RPS6KC1: variants seen among roughly 807,000 people sequenced by gnomAD.
RPS6KC1 encodes the protein ribosomal protein S6 kinase C1, also known as inactive ribosomal protein S6 kinase delta-1.
Under a neutral mutation model 103.8 loss-of-function variants are expected in RPS6KC1, and 54 were observed. The ratio of observed to expected loss-of-function variants is 0.52; its 90% CI spans 0.42 to 0.65. The LOEUF (loss-of-function observed/expected upper bound fraction) is 0.65, where lower values mean the gene tolerates loss of function less well. Among genes scored for constraint, RPS6KC1 ranks in the 30% least tolerant of loss-of-function variants. The pLI is 0.00. For synonymous variants in RPS6KC1, 439 were observed against 438.7 expected, an observed-to-expected ratio of 1.00 and a Z score of -0.01; for missense variants, 1,151 against 1,253.8, an observed-to-expected ratio of 0.92 and a Z score of 1.24.
the RPS6KC1 span, among the ~76,000 whole-genome samples, chr1:213,606,765 T>A: frequency 6.6e-6 from 1 of 152,222 alleles, no homozygotes; most frequent in African/African-American, 2.4e-5. Context: ...TGAGACCAAC[T>A]GTTTTCCTCA....
intron 6 of RPS6KC1, among the ~76,000 whole-genome samples, chr1:213,167,464 AC>A (rs2091073292): frequency 4.3e-5 from 6 of 140,030 alleles, no homozygotes; most frequent in Non-Finnish European, 8.0e-5. Context: ...ACACACACAC[AC>A]ACACACACAC....
At chr1:213,341,465 A>G in the RPS6KC1 span, among the ~76,000 whole-genome samples, 2 of 152,214 alleles carry the variant, frequency 1.3e-5, no homozygotes, top group African/African-American at 2.4e-5. Flanking sequence ...CTTACCATGT[A>G]GGAATTTGTT....
intron 3 of RPS6KC1, among the ~76,000 whole-genome samples, chr1:213,098,049 A>C (rs573085068): frequency 6.6e-6 from 1 of 152,222 alleles, no homozygotes; most frequent in African/African-American, 2.4e-5. Context: ...AATTTCTTTC[A>C]GTAACTTATT....
At chr1:213,445,841 C>T in the RPS6KC1 span, among the ~76,000 whole-genome samples, 6 of 152,232 alleles carry the variant, frequency 3.9e-5, 1 homozygote, top group East Asian at 9.7e-4. Flanking sequence ...AGGTACCCCT[C>T]GCATTCATGG....
chr1:213,378,360 C>T, the RPS6KC1 span, among the ~76,000 whole-genome samples: 1 of 152,164 alleles, frequency 6.6e-6, no homozygotes. Context: ...AGGATTAATT[C>T]AACTCATTGG....
At chr1:213,762,297 C>G in the RPS6KC1 span, among the ~76,000 whole-genome samples, 1 of 152,278 alleles carries the variant, frequency 6.6e-6, no homozygotes, top group East Asian at 1.9e-4. Context: ...CACCCCTCTC[C>G]CCTCTGCCTC....
At chr1:213,465,281 G>A in the RPS6KC1 span, among the ~76,000 whole-genome samples, 1 of 152,140 alleles carries the variant, frequency 6.6e-6, no homozygotes, top group South Asian at 2.1e-4. Flanking sequence ...GTTTCCTGGG[G>A]AACCTGAACT....
intron 6 of RPS6KC1, among the ~76,000 whole-genome samples, chr1:213,152,346 C>T (rs1285379887): frequency 1.4e-5 from 2 of 146,772 alleles, no homozygotes; most frequent in African/African-American, 4.9e-5. Context: ...CCCCACCTCC[C>T]TCCCGGACGG....
chr1:213,701,422 G>T, the RPS6KC1 span, among the ~76,000 whole-genome samples: 63 of 152,038 alleles, frequency 4.1e-4, no homozygotes, highest in Non-Finnish European at 5.3e-4. Context: ...CATGATGAAG[G>T]ATCTTTCTAA....
At chr1:213,738,646 C>G in the RPS6KC1 span, among the ~76,000 whole-genome samples, 4 of 151,874 alleles carry the variant, frequency 2.6e-5, no homozygotes, top group East Asian at 7.7e-4. Context: ...TGAGAGAAAG[C>G]TGATGCACAA....
chr1:213,687,491 C>A, the RPS6KC1 span, among the ~76,000 whole-genome samples: 343 of 152,178 alleles, frequency 2.3e-3, 1 homozygote, highest in African/African-American at 8.0e-3. Context: ...TGAATTATGT[C>A]TAATATCACA....
chr1:213,085,266 C>T (rs2080280195), intron 3 of RPS6KC1, among the ~76,000 whole-genome samples: 1 of 152,178 alleles, frequency 6.6e-6, no homozygotes, highest in African/African-American at 2.4e-5. Flanking sequence ...ATATTTCCCT[C>T]TTTGTGAAAT....
intron 6 of RPS6KC1, among the ~76,000 whole-genome samples, chr1:213,141,366 A>G (rs2087011951): frequency 6.6e-6 from 1 of 151,982 alleles, no homozygotes; most frequent in Admixed American, 6.6e-5. Context: ...TGTTTCCAGG[A>G]GTTTACCCAT....
the RPS6KC1 span, chr1:213,819,346 A>G: frequency 1.3e-5 from 2 of 152,202 alleles, no homozygotes; most frequent in African/African-American, 4.8e-5. Context: ...AAAGCCAGAG[A>G]TCGTGAATTC....
At chr1:213,691,075 A>G in the RPS6KC1 span, among the ~76,000 whole-genome samples, 1 of 152,050 alleles carries the variant, frequency 6.6e-6, no homozygotes, top group Non-Finnish European at 1.5e-5. Flanking sequence ...TTCTTTTCTT[A>G]CAAACTGAGC....
chr1:213,298,020 C>T, the RPS6KC1 span, among the ~76,000 whole-genome samples: 1 of 152,208 alleles, frequency 6.6e-6, no homozygotes, highest in Non-Finnish European at 1.5e-5. Context: ...CCATTGAGCA[C>T]TGCAGTCCCT....
the RPS6KC1 span, among the ~76,000 whole-genome samples, chr1:213,295,349 C>T: frequency 9.2e-5 from 14 of 152,212 alleles, no homozygotes; most frequent in African/African-American, 3.1e-4. Context: ...ATCAGAGTAA[C>T]CCTGGAAGGT....
At chr1:213,759,954 G>A in the RPS6KC1 span, among the ~76,000 whole-genome samples, 5 of 152,110 alleles carry the variant, frequency 3.3e-5, no homozygotes, top group Admixed American at 2.6e-4. Flanking sequence ...TTTGATTTGG[G>A]TGCAAGCAGC....
chr1:213,356,524 C>T, the RPS6KC1 span, among the ~76,000 whole-genome samples: 3 of 152,126 alleles, frequency 2.0e-5, no homozygotes, highest in Admixed American at 1.3e-4. Flanking sequence ...GGCGTGATAG[C>T]AGGTGCCTGT....
Sources: gnomAD v4.1 joint callset for allele counts (sites outside exome capture counted in the v4.1 genomes callset) on GRCh38, gnomAD v4.1.1 for gene constraint, MANE v1.5 for transcripts, NCBI Gene and HGNC (gene_info 2026-07-23, HGNC 2026-07-21) for gene names.